The following PTPRD variants were observed in gnomAD, a reference collection of about 807,000 sequenced individuals.
The protein encoded by PTPRD is receptor-type tyrosine-protein phosphatase delta.
A neutral mutation model predicts 214.5 loss-of-function variants in PTPRD; 34 were observed. That is an observed-to-expected ratio of 0.16 (90% CI 0.12 to 0.21). PTPRD has a LOEUF of 0.21. Among genes scored for constraint, PTPRD ranks in the 10% least tolerant of loss-of-function variants. The pLI, the probability that PTPRD is intolerant of heterozygous loss-of-function variation, is 1.00. For synonymous variants in PTPRD, 1,128 were observed against 845.7 expected (o/e 1.33, Z -5.79); for missense variants, 2,545 against 2,398.7 (o/e 1.06, Z -1.27).
intron 10 of PTPRD, among the ~76,000 whole-genome samples, chr9:9,091,786 T>A (rs1199202391): frequency 6.6e-6 from 1 of 152,220 alleles, no homozygotes. Context: ...AATTGAACTT[T>A]CAGGTTGGGG....
intron 5 of PTPRD, among the ~76,000 whole-genome samples, chr9:9,914,723 C>T (rs1373020103): frequency 1.3e-5 from 2 of 152,184 alleles, no homozygotes; most frequent in African/African-American, 4.8e-5. Context: ...CATACATAAG[C>T]TGACTACCAG....
chr9:10,167,686 GC>G (rs2099167801), intron 3 of PTPRD, among the ~76,000 whole-genome samples: 1 of 152,086 alleles, frequency 6.6e-6, no homozygotes, highest in Non-Finnish European at 1.5e-5. Flanking sequence ...AGCCTCTGAG[GC>G]TATCCATTTT....
chr9:9,487,510 G>A (rs867628569), intron 8 of PTPRD, among the ~76,000 whole-genome samples: 12 of 151,976 alleles, frequency 7.9e-5, no homozygotes, highest in African/African-American at 2.2e-4. Flanking sequence ...GAATAGTGCC[G>A]CAATAAACAT....
At chr9:10,025,384 A>G (rs1034645853) in intron 4 of PTPRD, among the ~76,000 whole-genome samples, 4 of 152,168 alleles carry the variant, frequency 2.6e-5, no homozygotes, top group Non-Finnish European at 4.4e-5. Flanking sequence ...TTTTGTCCAA[A>G]TCCTTCAAGA....
intron 11 of PTPRD, among the ~76,000 whole-genome samples, chr9:8,971,162 C>T (rs1448924413): frequency 6.6e-6 from 1 of 151,598 alleles, no homozygotes; most frequent in African/African-American, 2.4e-5. Flanking sequence ...AACATTTTAA[C>T]CCAAGTAATT....
intron 9 of PTPRD, among the ~76,000 whole-genome samples, chr9:9,386,072 T>C (rs1332158552): frequency 1.3e-5 from 2 of 152,166 alleles, no homozygotes; most frequent in Non-Finnish European, 2.9e-5. Flanking sequence ...GACTTCCTAC[T>C]ACAAAAAGAG....
At chr9:9,430,199 CAA>C (rs2082552710) in intron 8 of PTPRD, among the ~76,000 whole-genome samples, 1 of 152,166 alleles carries the variant, frequency 6.6e-6, no homozygotes, top group Non-Finnish European at 1.5e-5. Flanking sequence ...GCAACTTCAG[CAA>C]AGTCTCAGCA....
intron 11 of PTPRD, among the ~76,000 whole-genome samples, chr9:8,800,724 T>C (rs978429817): frequency 2.6e-5 from 4 of 152,198 alleles, no homozygotes; most frequent in African/African-American, 9.6e-5. Context: ...CTTTTATTTC[T>C]TCACTCTCCT....
intron 2 of PTPRD, among the ~76,000 whole-genome samples, chr9:10,518,535 A>AT (rs370269291): frequency 2.7e-3 from 392 of 145,786 alleles, no homozygotes; most frequent in South Asian, 5.2e-3. Context: ...ATCATTTACA[A>AT]TTTTTTTTTT....
In PTPRD at chr9:8,331,574, A is replaced by AAACTTACCATTGTTGAACTGT. The variant is rs3215098; in HGVS notation, c.5534+7_5534+8insACAGTTCAACAATGGTAAGTT. 6.3e-7 allele frequency: 1 copy of AAACTTACCATTGTTGAACTGT among 1,594,638 alleles called. No individual in the cohort carries two copies. Among genetic ancestry groups the AAACTTACCATTGTTGAACTGT allele is most frequent in the African/African-American group, 1.3e-5 (1 of 74,572 alleles). ...TTATCACTGCTTTATTCACAAATGG[A>AAACTTACCATTGTTGAACTGT]AACTTACCTGCAATGGACTGAAATG... On this transcript the variant is annotated splice_region_variant and intron_variant, in intron 44 of 45. Transcript: ENST00000381196.
At chr9:9,528,337 G>A (rs938924437) in intron 8 of PTPRD, among the ~76,000 whole-genome samples, 26 of 152,264 alleles carry the variant, frequency 1.7e-4, no homozygotes, top group African/African-American at 6.0e-4. Context: ...TTCTACCTGT[G>A]ACAGTAGAAA....
chr9:9,249,389 C>G (rs150954274), intron 9 of PTPRD, among the ~76,000 whole-genome samples: 1 of 152,114 alleles, frequency 6.6e-6, no homozygotes, highest in African/African-American at 2.4e-5. Context: ...TCAGGTATTC[C>G]TTTAGTGCAA....
At chr9:9,915,024 G>C (rs2080301200) in intron 5 of PTPRD, among the ~76,000 whole-genome samples, 1 of 152,110 alleles carries the variant, frequency 6.6e-6, no homozygotes, top group South Asian at 2.1e-4. Context: ...CCCCTGACCT[G>C]AAAAATAGCC....
chr9:9,235,882 G>C (rs1420095977), intron 9 of PTPRD, among the ~76,000 whole-genome samples: 1 of 152,144 alleles, frequency 6.6e-6, no homozygotes, highest in Non-Finnish European at 1.5e-5. Context: ...GTTTGGCCAT[G>C]ATATTCTAAA....
At chr9:10,262,506 ATGT>A (rs2093763061) in intron 3 of PTPRD, among the ~76,000 whole-genome samples, 1 of 152,222 alleles carries the variant, frequency 6.6e-6, no homozygotes, top group African/African-American at 2.4e-5. Flanking sequence ...ATCCAAGTTC[ATGT>A]TGTTAACTAC....
chr9:9,321,411 C>T (rs953530778), intron 9 of PTPRD, among the ~76,000 whole-genome samples: 2 of 151,806 alleles, frequency 1.3e-5, no homozygotes, highest in Admixed American at 6.6e-5. Context: ...CAAAATCAGC[C>T]GGGCGTGGTG....
At chr9:9,274,614 T>C (rs1944251659) in intron 9 of PTPRD, among the ~76,000 whole-genome samples, 1 of 151,218 alleles carries the variant, frequency 6.6e-6, no homozygotes, top group Admixed American at 6.6e-5. Flanking sequence ...CATCCAACTT[T>C]TCTTTTTCCA....
chr9:9,145,449 A>G (rs1433620022), intron 10 of PTPRD, among the ~76,000 whole-genome samples: 1 of 113,044 alleles, frequency 8.8e-6, no homozygotes. Flanking sequence ...TAGAATATAT[A>G]CTATGAGATT....
At chr9:9,491,583 C>A (rs1440956657) in intron 8 of PTPRD, among the ~76,000 whole-genome samples, 1 of 150,232 alleles carries the variant, frequency 6.7e-6, no homozygotes, top group East Asian at 1.9e-4. Context: ...GACATCACAC[C>A]AAGTGTATCT....
Sources: allele counts gnomAD v4.1 joint callset (sites outside exome capture counted in the v4.1 genomes callset), GRCh38; gene constraint gnomAD v4.1.1; transcripts MANE v1.5; gene names NCBI Gene and HGNC (gene_info 2026-07-23, HGNC 2026-07-21).